The following REEP1 variants were observed in gnomAD, a reference collection of about 807,000 sequenced individuals.
The protein encoded by REEP1 is receptor accessory protein 1, also known as receptor expression-enhancing protein 1.
A neutral mutation model predicts 40.3 loss-of-function variants in REEP1; 22 were observed. That is an observed-to-expected ratio of 0.55 (90% CI 0.39 to 0.78). The LOEUF (loss-of-function observed/expected upper bound fraction) is 0.78, where lower values mean the gene tolerates loss of function less well. Among genes scored for constraint, REEP1 ranks in the 30% least tolerant of loss-of-function variants. The probability of loss-of-function intolerance (pLI) is 0.00; values close to 1 mark genes in which losing one functional copy is unlikely to be tolerated. For synonymous variants in REEP1, 116 were observed against 139.2 expected, an observed-to-expected ratio of 0.83 and a Z score of 1.17; for missense variants, 280 against 361.1, an observed-to-expected ratio of 0.78 and a Z score of 1.82.
At position 86,330,414 on chromosome 2, in the gene REEP1, GGTGTGTGTGTGTGTGT is replaced by G. The variant is rs55660803; in HGVS notation, c.32+7049_32+7064del. ...GACTCTCCCTACCACAGTGAATCCT[GGTGTGTGTGTGTGTGT>G]GTGTGTGTGTGTGTGTGTGTGTGTG... On this transcript the variant is annotated intron_variant, in intron 1 of 8. Transcript: ENST00000538924. 7.0e-4 allele frequency among the ~76,000 whole-genome samples: 89 copies of G among 127,880 alleles called. 1 individual carries two copies. The Middle Eastern group carries it at 0.019, about 28-fold the overall frequency. The allele number at this position is 127,880 out of a possible 152,430, so 83.9% of individuals were successfully genotyped here.
At chr2:86,291,001 T>C (rs1678666345) in intron 1 of REEP1, among the ~76,000 whole-genome samples, 1 of 152,250 alleles carries the variant, frequency 6.6e-6, no homozygotes, top group Non-Finnish European at 1.5e-5. Context: ...CATTTATTTT[T>C]GAGTGCTCAC....
chr2:86,240,309 G>T (rs1675604828), intron 5 of REEP1, among the ~76,000 whole-genome samples: 1 of 152,210 alleles, frequency 6.6e-6, no homozygotes, highest in Non-Finnish European at 1.5e-5. Flanking sequence ...TCTAGTTGGG[G>T]CATCAAGACA....
At chr2:86,237,014 G>A (rs542209614) in intron 5 of REEP1, among the ~76,000 whole-genome samples, 43 of 152,328 alleles carry the variant, frequency 2.8e-4, no homozygotes, top group African/African-American at 9.6e-4. Flanking sequence ...GATTACAGGC[G>A]TGAGCCACCG....
intron 1 of REEP1, among the ~76,000 whole-genome samples, chr2:86,332,995 A>T (rs1410644761): frequency 6.6e-6 from 1 of 152,170 alleles, no homozygotes; most frequent in Non-Finnish European, 1.5e-5. Flanking sequence ...AGTGAGTCAG[A>T]CCAGCACTGG....
At chr2:86,269,839 T>C (rs1351461019) in intron 2 of REEP1, among the ~76,000 whole-genome samples, 3 of 150,716 alleles carry the variant, frequency 2.0e-5, no homozygotes, top group African/African-American at 7.4e-5. Context: ...ATATTTAAAA[T>C]ATAAAAAAAA....
chr2:86,219,171 C>A (rs1467883713), intron 8 of REEP1, among the ~76,000 whole-genome samples: 1 of 152,170 alleles, frequency 6.6e-6, no homozygotes, highest in African/African-American at 2.4e-5. Context: ...GTTTTGGTAA[C>A]CCTAAAGGGC....
At chr2:86,261,409 T>C (rs898050185) in intron 3 of REEP1, among the ~76,000 whole-genome samples, 6 of 152,192 alleles carry the variant, frequency 3.9e-5, no homozygotes, top group Admixed American at 3.3e-4. Context: ...GCCTTGAGAT[T>C]CTGTTAATCT....
rs1326156640 is a variant in REEP1 at position 86,216,907 on chromosome 2, G to C, written c.*132C>G. 1.4e-6 allele frequency: 1 copy of C among 715,788 alleles called. No individual in the cohort carries two copies. The highest frequency in any genetic ancestry group is 2.7e-5 in the East Asian group (1 of 36,786). 44.3% of individuals were successfully genotyped at this position (715,788 alleles called of 1,614,324 possible). ...AAATCCTTAAAAGTGGAAGGGGAGA[G>C]AGAAAAGGCCATGTTTGTGAGGCTG... On this transcript the variant is annotated 3_prime_UTR_variant, in exon 9 of 9. Coordinates refer to ENST00000538924, the MANE Select transcript of REEP1 (RefSeq NM_001371279.1).
At chr2:86,223,958 G>T (rs1674561474) in intron 7 of REEP1, among the ~76,000 whole-genome samples, 1 of 151,968 alleles carries the variant, frequency 6.6e-6, no homozygotes, top group South Asian at 2.1e-4. Context: ...GAGAGACAAA[G>T]ACATGCAGAA....
At chr2:86,316,302 G>T (rs538607953) in intron 1 of REEP1, among the ~76,000 whole-genome samples, 1 of 152,114 alleles carries the variant, frequency 6.6e-6, no homozygotes, top group Non-Finnish European at 1.5e-5. Context: ...ACTTTGGGAG[G>T]CTGAGGCAGA....
rs777043693 is a variant in REEP1 at position 86,306,102 on chromosome 2, C to A, written c.33-23860G>T. ...AAGTGGCTGTACCATTTCATTCCCT[C>A]CCTCCCCATCACCTTTGAATGACAC... is the stretch of plus-strand genomic sequence containing the variant. On this transcript the variant is annotated intron_variant, in intron 1 of 8. Coordinates refer to ENST00000538924, the MANE Select transcript of REEP1 (RefSeq NM_001371279.1). Among the ~76,000 whole-genome samples, 8 of 151,908 alleles carry A rather than the reference C, an allele frequency of 5.3e-5. No homozygotes were observed. In the South Asian group the frequency reaches 8.3e-4, roughly 16 times the overall value.
At chr2:86,330,051 G>A (rs1220811030) in intron 1 of REEP1, among the ~76,000 whole-genome samples, 4 of 152,110 alleles carry the variant, frequency 2.6e-5, no homozygotes, top group Admixed American at 6.5e-5. Context: ...GAATGGCATC[G>A]GTTCTTTGTA....
intron 1 of REEP1, among the ~76,000 whole-genome samples, chr2:86,321,984 C>T (rs937926138): frequency 3.9e-5 from 6 of 152,150 alleles, no homozygotes; most frequent in African/African-American, 7.2e-5. Flanking sequence ...CCACACTGTT[C>T]TCAAATGACA....
intron 5 of REEP1, among the ~76,000 whole-genome samples, chr2:86,250,612 C>A (rs907815369): frequency 2.7e-5 from 4 of 150,242 alleles, no homozygotes; most frequent in Non-Finnish European, 5.9e-5. Context: ...GGGGCAGAGA[C>A]CCCCTGGACC....
At chr2:86,227,600 C>A (rs1269002367) in intron 6 of REEP1, among the ~76,000 whole-genome samples, 1 of 152,078 alleles carries the variant, frequency 6.6e-6, no homozygotes, top group East Asian at 1.9e-4. Flanking sequence ...GCAGAAGATA[C>A]CCTCACCTGG....
chr2:86,274,388 G>C (rs1677626699), intron 2 of REEP1, among the ~76,000 whole-genome samples: 1 of 152,180 alleles, frequency 6.6e-6, no homozygotes, highest in African/African-American at 2.4e-5. Context: ...ATGGCAGAGA[G>C]GGGACTTAAT....
intron 5 of REEP1, chr2:86,251,466 C>G (rs1282167888): frequency 5.1e-6 from 1 of 194,958 alleles, no homozygotes; most frequent in African/African-American, 2.3e-5. Context: ...GTTCCTTCCC[C>G]TGGATCTGCT....
chr2:86,282,134 C>T (rs754233081), intron 2 of REEP1, 36 bp downstream of exon 2: 11 of 1,480,408 alleles, frequency 7.4e-6, no homozygotes, highest in Non-Finnish European at 1.9e-6. Context: ...GACCTGACTC[C>T]AGCCAACCCG....
chr2:86,332,436 AAC>A (rs55793634), intron 1 of REEP1, among the ~76,000 whole-genome samples: 20,576 of 136,004 alleles, frequency 0.15, 1,508 homozygotes, highest in Middle Eastern at 0.23. Context: ...CTTTCCTGGA[AAC>A]ACACACACAC....
Sources: allele counts gnomAD v4.1 joint callset (sites outside exome capture counted in the v4.1 genomes callset), GRCh38; gene constraint gnomAD v4.1.1; transcripts MANE v1.5; gene names NCBI Gene and HGNC (gene_info 2026-07-23, HGNC 2026-07-21).